Variants in UNC13B observed in about 807,000 individuals in gnomAD.
UNC13B encodes unc-13 homolog B, also known as protein unc-13 homolog B.
In UNC13B, 144 loss-of-function variants were observed where a neutral mutation model predicts 211.0. The observed-to-expected ratio is 0.68, with a 90% CI of 0.60 to 0.78. The LOEUF (loss-of-function observed/expected upper bound fraction) is 0.78, where lower values mean the gene tolerates loss of function less well. Among genes scored for constraint, UNC13B ranks in the 30% least tolerant of loss-of-function variants. The pLI is 0.00. For synonymous variants in UNC13B, 709 were observed against 725.8 expected, an observed-to-expected ratio of 0.98 and a Z score of 0.37; for missense variants, 1,777 against 2,002.0, an observed-to-expected ratio of 0.89 and a Z score of 2.14.
intron 13 of UNC13B, among the ~76,000 whole-genome samples, chr9:35,374,693 T>C (rs1397952669): frequency 1.3e-5 from 2 of 152,182 alleles, no homozygotes; most frequent in African/African-American, 4.8e-5. Context: ...GGTATAGAGG[T>C]TAGCATGGAA....
intron 7 of UNC13B, among the ~76,000 whole-genome samples, chr9:35,289,205 C>G (rs1382846920): frequency 6.6e-6 from 1 of 152,008 alleles, no homozygotes; most frequent in African/African-American, 2.4e-5. Context: ...ATTAGTAGTC[C>G]CGTATGCCCA....
At chr9:35,290,977 CATA>C in intron 7 of UNC13B, 3 of 1,301,188 alleles carry the variant, frequency 2.3e-6, no homozygotes, top group South Asian at 2.6e-5. Context: ...AGGTAAGGCA[CATA>C]ATAATTGCTG....
chr9:35,203,712 A>G (rs759104357), intron 1 of UNC13B, among the ~76,000 whole-genome samples: 2 of 152,252 alleles, frequency 1.3e-5, no homozygotes, highest in East Asian at 3.8e-4. Context: ...TGCTTCTAAC[A>G]GCCTGCATTC....
chr9:35,351,660 C>T, intron 11 of UNC13B: 1 of 1,232,276 alleles, frequency 8.1e-7, no homozygotes, highest in Non-Finnish European at 1.0e-6. Flanking sequence ...CCTGCTGGAT[C>T]CTTACCAGAG....
intron 13 of UNC13B, among the ~76,000 whole-genome samples, chr9:35,372,211 G>A (rs1233265107): frequency 6.6e-6 from 1 of 152,236 alleles, no homozygotes; most frequent in East Asian, 1.9e-4. Flanking sequence ...GGCGGAAGTT[G>A]CAATGAGCTG....
intron 1 of UNC13B, among the ~76,000 whole-genome samples, chr9:35,171,245 G>A (rs1191839863): frequency 6.6e-6 from 1 of 152,028 alleles, no homozygotes; most frequent in Non-Finnish European, 1.5e-5. Context: ...GGGACTACAG[G>A]TGCCCGCCAC....
intron 1 of UNC13B, among the ~76,000 whole-genome samples, chr9:35,180,533 C>T (rs1188056683): frequency 2.6e-5 from 4 of 151,738 alleles, no homozygotes; most frequent in Non-Finnish European, 5.9e-5. Flanking sequence ...TTAGCTATTT[C>T]AGTCGGTGTG....
chr9:35,197,830 G>T (rs1003560580), intron 1 of UNC13B, among the ~76,000 whole-genome samples: 2 of 152,162 alleles, frequency 1.3e-5, no homozygotes, highest in Non-Finnish European at 2.9e-5. Context: ...ATGATCCTAA[G>T]TTTCCTGAGG....
In UNC13B at chr9:35,300,754, G is replaced by T; in HGVS notation, c.1350G>T (p.Glu450Asp). 1 of 398,914 alleles carries T rather than the reference G, an allele frequency of 2.5e-6. No homozygotes were observed. The highest frequency in any genetic ancestry group is 4.4e-6 in the Non-Finnish European group (1 of 226,028). The allele number at this position is 398,914 out of a possible 1,614,324, so 24.7% of individuals were successfully genotyped here. A position where few individuals can be genotyped will look rare whatever the true frequency, so the allele number is the denominator to read the frequency against. The change falls in exon 9 of 40, where the codon GAG becomes GAT. Residue 450 changes from glutamate (E) to aspartate (D), a missense_variant. By Grantham distance (45) the Glu-to-Asp change is conservative. Coordinates refer to ENST00000635942, the MANE Select transcript of UNC13B (RefSeq NM_001371189.2). The part of the protein sequence containing the change: ...IEEITPSSIE[E>D]PKEDRIDTMD... ...AGATAACCCCTTCCTCTATTGAGGA[G>T]CCCAAGGAGGACCGTATTGATACAA...
intron 1 of UNC13B, among the ~76,000 whole-genome samples, chr9:35,167,199 A>G (rs1821081470): frequency 6.6e-6 from 1 of 151,376 alleles, no homozygotes; most frequent in South Asian, 2.1e-4. Context: ...TCAGCCTCCC[A>G]AGTAGCTGGG....
At chr9:35,243,622 G>A (rs549901554) in intron 6 of UNC13B, among the ~76,000 whole-genome samples, 1 of 152,186 alleles carries the variant, frequency 6.6e-6, no homozygotes, top group African/African-American at 2.4e-5. Context: ...CTTGTACCAG[G>A]GAATCTGTCC....
At chr9:35,240,927 C>T (rs1246546553) in intron 5 of UNC13B, among the ~76,000 whole-genome samples, 3 of 151,720 alleles carry the variant, frequency 2.0e-5, no homozygotes, top group South Asian at 2.1e-4. Context: ...AGGTGTCGTG[C>T]GCCTGTAATC....
chr9:35,394,303 A>G (rs1309422414), intron 26 of UNC13B, among the ~76,000 whole-genome samples: 1 of 152,130 alleles, frequency 6.6e-6, no homozygotes, highest in Non-Finnish European at 1.5e-5. Context: ...GTTCCATCCG[A>G]AGCTTATATA....
chr9:35,289,190 G>T (rs1056196641), intron 7 of UNC13B, among the ~76,000 whole-genome samples: 1 of 152,170 alleles, frequency 6.6e-6, no homozygotes, highest in Non-Finnish European at 1.5e-5. Flanking sequence ...TAAAGTCTGT[G>T]ATTGATTAGT....
chr9:35,283,874 T>C (rs1353199943), intron 7 of UNC13B, among the ~76,000 whole-genome samples: 1 of 151,900 alleles, frequency 6.6e-6, no homozygotes, highest in Non-Finnish European at 1.5e-5. Context: ...AGCTGGTAGC[T>C]ACTGAAAAGG....
chr9:35,207,441 T>A (rs1396826085), intron 1 of UNC13B, among the ~76,000 whole-genome samples: 8 of 151,454 alleles, frequency 5.3e-5, no homozygotes, highest in Admixed American at 4.6e-4. Context: ...TAAAAAAAAA[T>A]ATTTTTTTCT....
chr9:35,178,138 T>A (rs2131287837), intron 1 of UNC13B, among the ~76,000 whole-genome samples: 1 of 152,320 alleles, frequency 6.6e-6, no homozygotes, highest in East Asian at 1.9e-4. Flanking sequence ...CTCAGCATCA[T>A]CATTATAATA....
chr9:35,273,822 G>A (rs554469531), intron 7 of UNC13B, among the ~76,000 whole-genome samples: 228 of 152,330 alleles, frequency 1.5e-3, no homozygotes, highest in Middle Eastern at 6.8e-3. Flanking sequence ...GCCTCTCAAT[G>A]GAGGCTAGGA....
intron 10 of UNC13B, among the ~76,000 whole-genome samples, chr9:35,312,613 G>A (rs1005342062): frequency 6.6e-6 from 1 of 152,154 alleles, no homozygotes; most frequent in Admixed American, 6.5e-5. Flanking sequence ...GGCCAGAAGT[G>A]CCCACAAATG....
Sources: gnomAD v4.1 joint callset for allele counts (sites outside exome capture counted in the v4.1 genomes callset) on GRCh38, gnomAD v4.1.1 for gene constraint, MANE v1.5 for transcripts, NCBI Gene and HGNC (gene_info 2026-07-23, HGNC 2026-07-21) for gene names.